Variants in CDH13 observed in about 807,000 individuals in gnomAD.
CDH13 encodes cadherin 13.
A neutral mutation model predicts 63.8 loss-of-function variants in CDH13; 24 were observed. The ratio of observed to expected loss-of-function variants is 0.38; its 90% CI spans 0.27 to 0.53. The LOEUF (loss-of-function observed/expected upper bound fraction) is 0.53, where lower values mean the gene tolerates loss of function less well. CDH13 is among the 20% of genes least tolerant of loss of function. The probability of loss-of-function intolerance (pLI) is 0.85; values close to 1 mark genes in which losing one functional copy is unlikely to be tolerated. For synonymous variants in CDH13, 503 were observed against 355.3 expected, an observed-to-expected ratio of 1.42 and a Z score of -4.67; for missense variants, 1,049 against 903.1, an observed-to-expected ratio of 1.16 and a Z score of -2.07.
intron 6 of CDH13, among the ~76,000 whole-genome samples, chr16:83,358,497 A>G (rs568040241): frequency 2.6e-5 from 4 of 152,312 alleles, no homozygotes; most frequent in African/African-American, 4.8e-5. Flanking sequence ...ATTATTTTAC[A>G]TAAGAGAATT....
chr16:83,312,212 A>T (rs2090016406), intron 5 of CDH13, among the ~76,000 whole-genome samples: 1 of 152,136 alleles, frequency 6.6e-6, no homozygotes, highest in African/African-American at 2.4e-5. Flanking sequence ...AGACAGATAC[A>T]GATGAGCCGG....
intron 4 of CDH13, among the ~76,000 whole-genome samples, chr16:83,160,108 A>G (rs1464743947): frequency 6.6e-6 from 1 of 152,088 alleles, no homozygotes; most frequent in African/African-American, 2.4e-5. Context: ...ATTGTTACAT[A>G]ATGCACCCTC....
intron 2 of CDH13, among the ~76,000 whole-genome samples, chr16:82,948,555 A>G (rs1904976909): frequency 6.6e-6 from 1 of 152,202 alleles, no homozygotes; most frequent in African/African-American, 2.4e-5. Context: ...AGGCATAAGA[A>G]TCTTTGCTGG....
chr16:83,096,828 A>AT (rs949210618), intron 3 of CDH13, among the ~76,000 whole-genome samples: 20 of 152,284 alleles, frequency 1.3e-4, no homozygotes, highest in Admixed American at 1.3e-3. Context: ...AAAAATGATG[A>AT]TTTTTTTATA....
chr16:83,618,038 C>T (rs567556074), intron 8 of CDH13, among the ~76,000 whole-genome samples: 20 of 152,228 alleles, frequency 1.3e-4, no homozygotes, highest in Admixed American at 1.0e-3. Context: ...CCCAGCCTGC[C>T]GTGTAGTGCA....
intron 10 of CDH13, among the ~76,000 whole-genome samples, chr16:83,718,745 T>C (rs566773974): frequency 2.6e-5 from 4 of 152,356 alleles, no homozygotes; most frequent in South Asian, 4.1e-4. Context: ...CAGGGTCTTA[T>C]CAGCCCCTAG....
At chr16:83,621,907 C>T (rs1368483137) in intron 8 of CDH13, among the ~76,000 whole-genome samples, 1 of 152,088 alleles carries the variant, frequency 6.6e-6, no homozygotes, top group Non-Finnish European at 1.5e-5. Context: ...ACCCTCTGTC[C>T]CTCCGTCATT....
chr16:83,190,627 T>A (rs550527454), intron 4 of CDH13, among the ~76,000 whole-genome samples: 1 of 152,144 alleles, frequency 6.6e-6, no homozygotes, highest in Non-Finnish European at 1.5e-5. Context: ...TAGAGACTGA[T>A]CAATTTACAT....
At chr16:82,785,960 T>C (rs1013259605) in intron 1 of CDH13, among the ~76,000 whole-genome samples, 3 of 152,214 alleles carry the variant, frequency 2.0e-5, no homozygotes, top group African/African-American at 7.2e-5. Context: ...TACTGTGTGG[T>C]TCCCCTGTTG....
rs142427851 is a variant in CDH13, at chr16:83,740,318, G to C, written c.1539-7790G>C. ...GATTCACACTCTGTGATTTAACACT[G>C]GCTGCTCTTTGGAGAATGGACTGTA... On this transcript the variant is annotated intron_variant, in intron 10 of 13. Transcript: ENST00000567109. Among the ~76,000 whole-genome samples the C allele has an allele frequency of 1.8e-4, 28 of 152,010 alleles. No homozygotes were observed. The East Asian group carries it at 3.7e-3, about 20-fold the overall frequency.
chr16:83,044,390 A>G lies in CDH13; in HGVS notation c.366+12172A>G, dbSNP rs189090323. Among the ~76,000 whole-genome samples, 33 of 152,374 alleles carry G rather than the reference A, an allele frequency of 2.2e-4. 1 individual carries two copies. The East Asian group carries it at 6.2e-3, about 28-fold the overall frequency. On this transcript the variant is annotated intron_variant, in intron 3 of 13. Coordinates refer to ENST00000567109, the MANE Select transcript of CDH13 (RefSeq NM_001257.5). ...AAAAAGTTGTTAGTAATAAAAAATA[A>G]ATCCAGAGCTGAGCAAAACTCCTAA...
chr16:83,468,347 T>C (rs960952720), intron 6 of CDH13, among the ~76,000 whole-genome samples: 3 of 152,100 alleles, frequency 2.0e-5, no homozygotes, highest in African/African-American at 7.2e-5. Flanking sequence ...AGCCAAAGAA[T>C]GTAGATAGCT....
At chr16:83,261,996 C>G (rs896260691) in intron 5 of CDH13, among the ~76,000 whole-genome samples, 3 of 152,112 alleles carry the variant, frequency 2.0e-5, no homozygotes, top group Non-Finnish European at 4.4e-5. Flanking sequence ...TTAATTCAAC[C>G]GTAACCTGTG....
chr16:83,359,974 C>T (rs2091131535), intron 6 of CDH13, among the ~76,000 whole-genome samples: 1 of 152,170 alleles, frequency 6.6e-6, no homozygotes, highest in Non-Finnish European at 1.5e-5. Context: ...CACACATATA[C>T]TTTGTGTTTC....
At chr16:82,717,753 C>G (rs1486854615) in intron 1 of CDH13, among the ~76,000 whole-genome samples, 1 of 152,114 alleles carries the variant, frequency 6.6e-6, no homozygotes, top group Non-Finnish European at 1.5e-5. Flanking sequence ...TTAATTTGGC[C>G]ACATCTGCAA....
intron 2 of CDH13, among the ~76,000 whole-genome samples, chr16:82,905,299 T>A (rs2041605135): frequency 6.6e-6 from 1 of 152,200 alleles, no homozygotes; most frequent in Non-Finnish European, 1.5e-5. Flanking sequence ...CACGCAGCAA[T>A]TTATAATATA....
At chr16:83,489,602 G>T (rs986931472) in intron 7 of CDH13, among the ~76,000 whole-genome samples, 1 of 152,206 alleles carries the variant, frequency 6.6e-6, no homozygotes, top group Non-Finnish European at 1.5e-5. Context: ...TTGCACATCA[G>T]ATGTCCAGTG....
chr16:82,640,376 T>G (rs993741418), intron 1 of CDH13, among the ~76,000 whole-genome samples: 1 of 152,188 alleles, frequency 6.6e-6, no homozygotes, highest in Non-Finnish European at 1.5e-5. Context: ...GTGTTGAAAT[T>G]TTACTGTTGG....
intron 2 of CDH13, among the ~76,000 whole-genome samples, chr16:82,872,444 G>A (rs963535120): frequency 6.6e-6 from 1 of 152,208 alleles, no homozygotes; most frequent in South Asian, 2.1e-4. Context: ...GATGTTACAG[G>A]AGCATCTCCT....
Sources: allele counts gnomAD v4.1 joint callset (sites outside exome capture counted in the v4.1 genomes callset), GRCh38; gene constraint gnomAD v4.1.1; transcripts MANE v1.5; gene names NCBI Gene and HGNC (gene_info 2026-07-23, HGNC 2026-07-21).